RALGPS2: variants seen among roughly 807,000 people sequenced by gnomAD.
The protein encoded by RALGPS2 is Ral GEF with PH domain and SH3 binding motif 2.
In RALGPS2, 43 loss-of-function variants were observed where a neutral mutation model predicts 86.8. The ratio of observed to expected loss-of-function variants is 0.50; its 90% CI spans 0.39 to 0.64. The LOEUF is 0.64. Among genes scored for constraint, RALGPS2 ranks in the 30% least tolerant of loss-of-function variants. The pLI, the probability that RALGPS2 is intolerant of heterozygous loss-of-function variation, is 0.00. For missense variants in RALGPS2, 536 were observed against 694.6 expected (o/e 0.77, Z 2.57); for synonymous variants, 243 against 231.3 (o/e 1.05, Z -0.46).
At chr1:178,825,673 A>G (rs1655713978) in intron 7 of RALGPS2, among the ~76,000 whole-genome samples, 1 of 152,212 alleles carries the variant, frequency 6.6e-6, no homozygotes, top group South Asian at 2.1e-4. Context: ...CTCTTGTTTA[A>G]TATGGTAGCC....
chr1:178,801,593 C>T (rs1387978953), intron 4 of RALGPS2, among the ~76,000 whole-genome samples: 1 of 151,960 alleles, frequency 6.6e-6, no homozygotes, highest in Admixed American at 6.6e-5. Flanking sequence ...TTGGAAAGTC[C>T]GTCCAATTCT....
chr1:178,890,733 T>G (rs1659683793), intron 14 of RALGPS2, among the ~76,000 whole-genome samples: 1 of 152,000 alleles, frequency 6.6e-6, no homozygotes, highest in Non-Finnish European at 1.5e-5. Context: ...GCAAAGTACT[T>G]TTGATCCTTT....
chr1:178,848,206 G>A (rs1314057270), intron 8 of RALGPS2, among the ~76,000 whole-genome samples: 1 of 152,104 alleles, frequency 6.6e-6, no homozygotes, highest in Non-Finnish European at 1.5e-5. Flanking sequence ...AGCTACTCAG[G>A]AGGCTAAGGT....
At chr1:178,863,620 CA>C (rs1373584373) in intron 8 of RALGPS2, among the ~76,000 whole-genome samples, 1 of 152,126 alleles carries the variant, frequency 6.6e-6, no homozygotes, top group African/African-American at 2.4e-5. Context: ...TATCCAAATG[CA>C]AACGTCTAGC....
intron 1 of RALGPS2, among the ~76,000 whole-genome samples, chr1:178,760,222 G>T (rs147370475): frequency 1.3e-5 from 2 of 152,286 alleles, no homozygotes; most frequent in East Asian, 3.9e-4. Flanking sequence ...CAGTTGGTCT[G>T]TGTCAAATTT....
intron 2 of RALGPS2, among the ~76,000 whole-genome samples, chr1:178,781,757 G>C (rs1273655549): frequency 2.0e-5 from 3 of 152,114 alleles, no homozygotes; most frequent in Admixed American, 2.0e-4. Context: ...TGGTTATTTG[G>C]ACAGCTATTG....
intron 11 of RALGPS2, among the ~76,000 whole-genome samples, 163 bp from the exon 12 acceptor site, chr1:178,884,896 TGGATTTTGTATGGTTTG>T (rs750071148): frequency 3.3e-5 from 5 of 152,232 alleles, no homozygotes; most frequent in Non-Finnish European, 7.3e-5. Context: ...TAAAAATTAA[TGGATTTTGTATGGTTTG>T]GGATTTTGTG....
At chr1:178,800,587 A>T (rs1419424585) in intron 4 of RALGPS2, among the ~76,000 whole-genome samples, 2 of 152,224 alleles carry the variant, frequency 1.3e-5, no homozygotes, top group Non-Finnish European at 2.9e-5. Context: ...ATAGTGTATT[A>T]TACATATCAC....
At chr1:178,784,985 A>G (rs1558118348) in intron 3 of RALGPS2, among the ~76,000 whole-genome samples, 1 of 152,044 alleles carries the variant, frequency 6.6e-6, no homozygotes, top group Admixed American at 6.6e-5. Context: ...TGTTAACAGA[A>G]TATATTGATT....
chr1:178,795,506 G>A (rs979205492), intron 4 of RALGPS2, among the ~76,000 whole-genome samples: 5 of 151,948 alleles, frequency 3.3e-5, no homozygotes, highest in South Asian at 4.2e-4. Flanking sequence ...TCTGCCTCCC[G>A]GGTTCAAGTG....
intron 9 of RALGPS2, 100 bp from the exon 10 acceptor site, chr1:178,878,802 C>A: frequency 6.7e-7 from 1 of 1,492,138 alleles, no homozygotes; most frequent in Non-Finnish European, 9.0e-7. Flanking sequence ...ATTTTGCTGC[C>A]ATGTGGCCTT....
chr1:178,870,533 A>G (rs1197082475), intron 8 of RALGPS2, among the ~76,000 whole-genome samples: 2 of 152,204 alleles, frequency 1.3e-5, no homozygotes, highest in East Asian at 3.8e-4. Context: ...ACATCATTAA[A>G]TTGAACCTCA....
chr1:178,885,964 T>A lies in RALGPS2; in HGVS notation c.1041-5T>A. The A allele has an allele frequency of 6.3e-7, 1 of 1,578,058 alleles. No individual in the cohort carries two copies. Among genetic ancestry groups the A allele is most frequent in the East Asian group, 2.2e-5 (1 of 44,588 alleles). On this transcript the variant is annotated splice_region_variant and splice_polypyrimidine_tract_variant and intron_variant, in intron 12 of 19. Transcript: ENST00000367635. The stretch of plus-strand genomic sequence containing the variant: ...AAAGATATGAACTTTTTTTTCTGTT[T>A]CTAGTTTCATTCATAAAATGAACAC...
chr1:178,764,769 G>A (rs1203700234), intron 1 of RALGPS2, among the ~76,000 whole-genome samples: 7 of 152,158 alleles, frequency 4.6e-5, no homozygotes, highest in Non-Finnish European at 7.4e-5. Context: ...TTTTCTTTAA[G>A]AATGCTGAAT....
chr1:178,754,119 A>T (rs1167183512), intron 1 of RALGPS2, among the ~76,000 whole-genome samples: 1 of 151,826 alleles, frequency 6.6e-6, no homozygotes, highest in Non-Finnish European at 1.5e-5. Flanking sequence ...ACCGTGCCCC[A>T]GCCTGCAGGT....
chr1:178,915,442 C>T (rs903581157), intron 19 of RALGPS2, among the ~76,000 whole-genome samples: 4 of 152,112 alleles, frequency 2.6e-5, no homozygotes, highest in African/African-American at 9.7e-5. Context: ...ACAATGTTGG[C>T]CAGGCTGGTC....
In RALGPS2 at chr1:178,767,511, A is replaced by G. The variant is rs1411195577; in HGVS notation, c.-83-9171A>G. Among the ~76,000 whole-genome samples the G allele has an allele frequency of 1.3e-5, 2 of 151,702 alleles. 1 individual carries two copies. Among genetic ancestry groups the G allele is most frequent in the East Asian group, 3.9e-4 (2 of 5,180 alleles). On this transcript the variant is annotated intron_variant, in intron 1 of 19. Coordinates refer to ENST00000367635, the MANE Select transcript of RALGPS2 (RefSeq NM_152663.5). Reference sequence around the variant, plus strand: ...CTCTGTTTACTGTCTCTATGCCTGCATTTCTTTTATTGGATGTTCTGATCC... The same window carrying G: ...CTCTGTTTACTGTCTCTATGCCTGCGTTTCTTTTATTGGATGTTCTGATCC...
chr1:178,852,565 G>A (rs1657244816), intron 8 of RALGPS2: 2 of 1,067,740 alleles, frequency 1.9e-6, no homozygotes, highest in African/African-American at 1.6e-5. Flanking sequence ...TGTATTTCCT[G>A]CCACAGTGAC....
At chr1:178,773,652 C>T (rs1269342825) in intron 1 of RALGPS2, among the ~76,000 whole-genome samples, 10 of 151,696 alleles carry the variant, frequency 6.6e-5, no homozygotes, top group African/African-American at 1.2e-4. Flanking sequence ...AAAAATTAGC[C>T]GGGCGTGGTG....
Sources: gnomAD v4.1 joint callset for allele counts (sites outside exome capture counted in the v4.1 genomes callset) on GRCh38, gnomAD v4.1.1 for gene constraint, MANE v1.5 for transcripts, NCBI Gene and HGNC (gene_info 2026-07-23, HGNC 2026-07-21) for gene names.